Variants in GALNT18 observed in about 807,000 individuals in gnomAD.
GALNT18 encodes GalNAc-transferase 18.
Under a neutral mutation model 69.5 loss-of-function variants are expected in GALNT18, and 44 were observed. The observed-to-expected ratio is 0.63, with a 90% CI of 0.50 to 0.81. The LOEUF is 0.81. GALNT18 is among the 40% of genes least tolerant of loss of function. GALNT18 has a pLI of 0.00. For synonymous variants in GALNT18, 364 were observed against 318.2 expected, an observed-to-expected ratio of 1.14 and a Z score of -1.53; for missense variants, 715 against 810.0, an observed-to-expected ratio of 0.88 and a Z score of 1.42.
intron 6 of GALNT18, among the ~76,000 whole-genome samples, chr11:11,353,650 G>A (rs1221773410): frequency 6.6e-6 from 1 of 152,072 alleles, no homozygotes; most frequent in African/African-American, 2.4e-5. Context: ...ACATATGAAT[G>A]GCTCATTAGC....
rs61872111 is a variant in GALNT18 at position 11,359,601 on chromosome 11, G to C, written c.1092+12914C>G. ...CCACTGTTACCCCTCCAGTTCTGAA[G>C]TCTCCTGCCATGTCCAGTGAGGACA... On this transcript the variant is annotated intron_variant, in intron 6 of 10. Transcript: ENST00000227756. Among the ~76,000 whole-genome samples the C allele has an allele frequency of 6.6e-3, 1,005 of 152,198 alleles. 6 individuals carry two copies. Among genetic ancestry groups the C allele is most frequent in the Non-Finnish European group, 0.011 (721 of 68,020 alleles).
intron 10 of GALNT18, among the ~76,000 whole-genome samples, chr11:11,282,386 T>C (rs1047060990): frequency 1.3e-5 from 2 of 152,214 alleles, no homozygotes; most frequent in African/African-American, 4.8e-5. Flanking sequence ...CCAAATACTT[T>C]ACATGCCCAA....
At chr11:11,458,994 G>A (rs1855983174) in intron 1 of GALNT18, among the ~76,000 whole-genome samples, 1 of 152,200 alleles carries the variant, frequency 6.6e-6, no homozygotes, top group South Asian at 2.1e-4. Flanking sequence ...TTTTACTTGA[G>A]CGAGAAGGGG....
chr11:11,277,267 C>A (rs1848969392), intron 10 of GALNT18, among the ~76,000 whole-genome samples: 1 of 152,162 alleles, frequency 6.6e-6, no homozygotes, highest in Non-Finnish European at 1.5e-5. Flanking sequence ...GGAATTTATC[C>A]ATTTCTTCTA....
chr11:11,400,937 A>G (rs1854449425), intron 3 of GALNT18, among the ~76,000 whole-genome samples: 1 of 152,100 alleles, frequency 6.6e-6, no homozygotes, highest in South Asian at 2.1e-4. Flanking sequence ...CCAACTGTGA[A>G]AATTGGTTCT....
rs1590039602 is a variant in GALNT18 at position 11,327,288 on chromosome 11, T to C, written c.1417-107A>G. 3 of 838,562 alleles carry C rather than the reference T, an allele frequency of 3.6e-6. No homozygotes were observed. The East Asian group carries it at 7.8e-5, about 22-fold the overall frequency. 51.9% of individuals were successfully genotyped at this position (838,562 alleles called of 1,614,324 possible). On this transcript the variant is annotated intron_variant, in intron 8 of 10. Coordinates refer to ENST00000227756, the MANE Select transcript of GALNT18 (RefSeq NM_198516.3). Reference sequence around the variant, plus strand: ...TCTGCTGAGACAGATTTCATGTCCATAATCAGCCCAAGGCCCTTGAACACT... The same window carrying C: ...TCTGCTGAGACAGATTTCATGTCCACAATCAGCCCAAGGCCCTTGAACACT...
At chr11:11,324,624 T>C (rs1321327602) in intron 9 of GALNT18, among the ~76,000 whole-genome samples, 1 of 151,590 alleles carries the variant, frequency 6.6e-6, no homozygotes, top group East Asian at 1.9e-4. Context: ...TGGTATCTCA[T>C]TGTTGTTTTA....
rs1231299774 is a variant in GALNT18 at position 11,497,346 on chromosome 11, AC to A, written c.236-48411del. On this transcript the variant is annotated intron_variant, in intron 1 of 10. Coordinates refer to ENST00000227756, the MANE Select transcript of GALNT18 (RefSeq NM_198516.3). This position sits in a 1 kb window ranked among gnomAD's most constrained non-coding sequence, Gnocchi z 4.2. ...GTCTCCAACACACACACACACACAC[AC>A]ACACACACACACACACACACACACC... Among the ~76,000 whole-genome samples the A allele has an allele frequency of 2.0e-5, 3 of 150,682 alleles. No individual in the cohort carries two copies. The highest frequency in any genetic ancestry group is 4.4e-5 in the Non-Finnish European group (3 of 67,554).
At chr11:11,273,015 G>A (rs761389560) in intron 10 of GALNT18, among the ~76,000 whole-genome samples, 20 of 152,066 alleles carry the variant, frequency 1.3e-4, no homozygotes, top group Admixed American at 6.5e-5. Context: ...CCTATCTCTC[G>A]CTATATATGA....
At chr11:11,397,883 C>T (rs1352111796) in intron 3 of GALNT18, among the ~76,000 whole-genome samples, 1 of 152,240 alleles carries the variant, frequency 6.6e-6, no homozygotes, top group African/African-American at 2.4e-5. Flanking sequence ...GAAGGGGCCG[C>T]TGGCTGGGGC....
Position 11,379,098 on chromosome 11 carries a change from C to T in GALNT18, c.762G>A (p.Val254=). ...APVVALFDAH[V]EFNVGWAEPV... is the part of the protein sequence containing the mutation. Reference sequence around the variant, plus strand: ...GCACTTACCAGCCCACATTGAACTCCACGTGGGCATCAAAGAGTGCCACCA... The same window carrying T: ...GCACTTACCAGCCCACATTGAACTCTACGTGGGCATCAAAGAGTGCCACCA... The change falls in exon 4 of 11, where the codon GTG becomes GTA. Residue 254 remains valine, a synonymous_variant. Transcript: ENST00000227756. 1 of 1,606,646 alleles carries T rather than the reference C, an allele frequency of 6.2e-7. No homozygotes were observed. The highest frequency in any genetic ancestry group is 1.1e-5 in the South Asian group (1 of 90,526).
chr11:11,353,139 A>G (rs2133069766), intron 6 of GALNT18: 1 of 1,613,504 alleles, frequency 6.2e-7, no homozygotes, highest in East Asian at 2.2e-5. Context: ...GTTGGCGGAC[A>G]AAGCTGGACT....
At chr11:11,281,593 C>T (rs1000778384) in intron 10 of GALNT18, among the ~76,000 whole-genome samples, 6 of 152,166 alleles carry the variant, frequency 3.9e-5, no homozygotes, top group African/African-American at 1.2e-4. Context: ...CACCACAGCC[C>T]TTTCTTTGCT....
intron 5 of GALNT18, among the ~76,000 whole-genome samples, chr11:11,374,483 G>A (rs1266405194): frequency 6.6e-6 from 1 of 152,178 alleles, no homozygotes; most frequent in Non-Finnish European, 1.5e-5. Context: ...GTGGGGCCTT[G>A]GCATTTGCCT....
At chr11:11,301,768 C>T (rs1849498748) in intron 9 of GALNT18, among the ~76,000 whole-genome samples, 1 of 152,156 alleles carries the variant, frequency 6.6e-6, no homozygotes. Context: ...CTCTCGGGTG[C>T]CAGGGCTGGC....
intron 3 of GALNT18, among the ~76,000 whole-genome samples, chr11:11,418,804 T>C (rs1161347580): frequency 3.9e-5 from 6 of 152,220 alleles, no homozygotes; most frequent in Admixed American, 3.9e-4. Flanking sequence ...GGTTGGTCTC[T>C]AGGCATTGCC....
At chr11:11,521,548 C>A (rs1011738653) in intron 1 of GALNT18, among the ~76,000 whole-genome samples, 1 of 152,168 alleles carries the variant, frequency 6.6e-6, no homozygotes, top group African/African-American at 2.4e-5. Context: ...TCTGATTACA[C>A]CACGGAAGAA....
In GALNT18 at chr11:11,587,739, T is replaced by C. The variant is rs1019247461; in HGVS notation, c.235+33620A>G. Among the ~76,000 whole-genome samples, 3 of 151,790 alleles carry C rather than the reference T, an allele frequency of 2.0e-5. No individual in the cohort carries two copies. Among genetic ancestry groups the C allele is most frequent in the African/African-American group, 7.3e-5 (3 of 41,134 alleles). ...AACATTTCCCCTTGACTTCCCCTGGTAGGTGATCAAACTTAAAGAAGAGGG... is the reference window on the plus strand; with the variant it reads ...AACATTTCCCCTTGACTTCCCCTGGCAGGTGATCAAACTTAAAGAAGAGGG... On this transcript the variant is annotated intron_variant, in intron 1 of 10. Coordinates refer to ENST00000227756, the MANE Select transcript of GALNT18 (RefSeq NM_198516.3). The surrounding 1 kb of genome is among the most constrained non-coding windows in gnomAD (Gnocchi z 4.4).
At chr11:11,345,613 C>G (rs1453080464) in intron 6 of GALNT18, among the ~76,000 whole-genome samples, 2 of 152,092 alleles carry the variant, frequency 1.3e-5, no homozygotes, top group Non-Finnish European at 2.9e-5. Context: ...ATAGAGCAAG[C>G]CCCAAACCAG....
Sources: gnomAD v4.1 joint callset for allele counts (sites outside exome capture counted in the v4.1 genomes callset) on GRCh38, gnomAD v4.1.1 for gene constraint, Gnocchi (gnomAD v3.1) non-coding constraint, MANE v1.5 for transcripts, NCBI Gene and HGNC (gene_info 2026-07-23, HGNC 2026-07-21) for gene names.